Variants in STXBP5L observed in about 807,000 individuals in gnomAD.
STXBP5L encodes syntaxin binding protein 5L, also known as syntaxin-binding protein 5-like.
Under a neutral mutation model 144.5 loss-of-function variants are expected in STXBP5L, and 65 were observed. The observed-to-expected ratio is 0.45, with a 90% CI of 0.37 to 0.55. The LOEUF is 0.55. STXBP5L is among the 20% of genes least tolerant of loss of function. The probability of loss-of-function intolerance (pLI) is 0.00; values close to 1 mark genes in which losing one functional copy is unlikely to be tolerated. For synonymous variants in STXBP5L, 505 were observed against 469.6 expected, an observed-to-expected ratio of 1.08 and a Z score of -0.97; for missense variants, 1,298 against 1,405.5, an observed-to-expected ratio of 0.92 and a Z score of 1.22.
intron 11 of STXBP5L, 44 bp downstream of exon 11, chr3:121,223,201 G>T (rs1315230536): frequency 1.3e-6 from 2 of 1,539,846 alleles, no homozygotes. Flanking sequence ...AATCATTTTG[G>T]AAATGACAAG....
At chr3:121,410,187 G>GA (rs574366827) in intron 23 of STXBP5L, among the ~76,000 whole-genome samples, 1 of 151,598 alleles carries the variant, frequency 6.6e-6, no homozygotes, top group Non-Finnish European at 1.5e-5. Context: ...ATTTGGGGGG[G>GA]AAAAAAGGTC....
Position 121,117,805 on chromosome 3 carries a change from C to T in STXBP5L, c.605+2746C>T, listed in dbSNP as rs1178710347. On this transcript the variant is annotated intron_variant, in intron 6 of 26. Transcript: ENST00000471454. ...CCCAAGAGTATGAATAGTTGGGTTT[C>T]CAAAATGTATATATTGGTTATTTGG... Among the ~76,000 whole-genome samples, 2 of 151,326 alleles carry T rather than the reference C, an allele frequency of 1.3e-5. 1 individual carries two copies. The highest frequency in any genetic ancestry group is 4.2e-4 in the South Asian group (2 of 4,818).
intron 20 of STXBP5L, among the ~76,000 whole-genome samples, chr3:121,350,122 C>G (rs777937472): frequency 1.3e-5 from 2 of 152,082 alleles, no homozygotes; most frequent in Non-Finnish European, 2.9e-5. Flanking sequence ...ATGTTCAGTG[C>G]TTCCTTCAGG....
At chr3:121,087,112 A>C (rs1237983571) in intron 5 of STXBP5L, among the ~76,000 whole-genome samples, 1 of 151,972 alleles carries the variant, frequency 6.6e-6, no homozygotes, top group African/African-American at 2.4e-5. Context: ...GATGTAGCTC[A>C]TCTTTGTGTA....
At chr3:121,091,915 C>G (rs1452249102) in intron 5 of STXBP5L, among the ~76,000 whole-genome samples, 2 of 152,096 alleles carry the variant, frequency 1.3e-5, no homozygotes, top group Non-Finnish European at 2.9e-5. Context: ...TTAGGTCTAA[C>G]ATTTAAGTCT....
At chr3:121,202,696 T>C (rs2048182722) in intron 9 of STXBP5L, among the ~76,000 whole-genome samples, 1 of 152,158 alleles carries the variant, frequency 6.6e-6, no homozygotes, top group South Asian at 2.1e-4. Flanking sequence ...GCAGACTTTT[T>C]TTCTTCTACT....
chr3:120,933,399 T>C (rs1314854577), intron 2 of STXBP5L, among the ~76,000 whole-genome samples: 2 of 152,188 alleles, frequency 1.3e-5, no homozygotes, highest in African/African-American at 4.8e-5. Context: ...TCTATACTGA[T>C]GGAGTAGTGT....
chr3:121,164,537 T>C (rs567258065), intron 9 of STXBP5L, among the ~76,000 whole-genome samples: 2 of 152,248 alleles, frequency 1.3e-5, no homozygotes, highest in African/African-American at 4.8e-5. Context: ...GTTTCTCTTA[T>C]AGGTATATAC....
At chr3:121,088,185 C>A (rs61795510) in intron 5 of STXBP5L, among the ~76,000 whole-genome samples, 58,727 of 141,966 alleles carry the variant, frequency 0.41, 11,906 homozygotes, top group Non-Finnish European at 0.44. Flanking sequence ...TTTTCGCAAC[C>A]TACTCATCTG....
At chr3:121,031,368 A>G (rs1290149819) in intron 3 of STXBP5L, among the ~76,000 whole-genome samples, 1 of 149,228 alleles carries the variant, frequency 6.7e-6, no homozygotes, top group Non-Finnish European at 1.5e-5. Flanking sequence ...GTATATATCT[A>G]TGTATGTGTA....
At chr3:120,993,707 G>A (rs952167794) in intron 3 of STXBP5L, among the ~76,000 whole-genome samples, 4 of 151,970 alleles carry the variant, frequency 2.6e-5, no homozygotes, top group African/African-American at 9.7e-5. Context: ...ATATTGCCTT[G>A]TAATATATTT....
At chr3:121,059,909 A>T (rs1000159400) in intron 5 of STXBP5L, among the ~76,000 whole-genome samples, 5 of 152,336 alleles carry the variant, frequency 3.3e-5, no homozygotes, top group Non-Finnish European at 5.9e-5. Context: ...TAATCATGTC[A>T]TCTGCAAACA....
intron 5 of STXBP5L, among the ~76,000 whole-genome samples, chr3:121,108,854 TG>T (rs1336726089): frequency 1.3e-5 from 2 of 152,164 alleles, no homozygotes; most frequent in African/African-American, 4.8e-5. Context: ...GGGCTTTTTT[TG>T]GTTGGTAGGC....
At chr3:121,065,319 T>A (rs1419420955) in intron 5 of STXBP5L, among the ~76,000 whole-genome samples, 1 of 152,176 alleles carries the variant, frequency 6.6e-6, no homozygotes, top group African/African-American at 2.4e-5. Context: ...ATATTTGATA[T>A]TTTTTAATGC....
chr3:121,025,332 A>T (rs898666297), intron 3 of STXBP5L, among the ~76,000 whole-genome samples: 1 of 152,104 alleles, frequency 6.6e-6, no homozygotes, highest in Non-Finnish European at 1.5e-5. Context: ...AGTAGTTGGG[A>T]TAGCAAGAAA....
chr3:121,375,485 G>A (rs980853434), intron 20 of STXBP5L, among the ~76,000 whole-genome samples: 13 of 152,046 alleles, frequency 8.6e-5, no homozygotes, highest in East Asian at 1.9e-4. Context: ...TGATTATTAC[G>A]TATGTGATAT....
intron 9 of STXBP5L, among the ~76,000 whole-genome samples, chr3:121,185,675 G>C (rs762912476): frequency 1.3e-5 from 2 of 152,176 alleles, no homozygotes; most frequent in Non-Finnish European, 2.9e-5. Context: ...TTTGGTACCA[G>C]TGCCATACTG....
At chr3:121,207,355 G>A (rs185403085) in intron 10 of STXBP5L, among the ~76,000 whole-genome samples, 1 of 152,242 alleles carries the variant, frequency 6.6e-6, no homozygotes, top group African/African-American at 2.4e-5. Flanking sequence ...AGACTTAAAT[G>A]TTAGACCTAA....
At chr3:121,084,468 T>C (rs2042395033) in intron 5 of STXBP5L, among the ~76,000 whole-genome samples, 1 of 152,226 alleles carries the variant, frequency 6.6e-6, no homozygotes, top group Non-Finnish European at 1.5e-5. Flanking sequence ...TTTGGTTTTC[T>C]GTTCCTGTGA....
Sources: gnomAD v4.1 joint callset for allele counts (sites outside exome capture counted in the v4.1 genomes callset) on GRCh38, gnomAD v4.1.1 for gene constraint, MANE v1.5 for transcripts, NCBI Gene and HGNC (gene_info 2026-07-23, HGNC 2026-07-21) for gene names.